Variants in MYO1H observed in about 807,000 individuals in gnomAD.
The protein encoded by MYO1H is unconventional myosin-Ih.
MYO1H carries 118 observed loss-of-function variants against 149.3 expected under a neutral mutation model. The observed-to-expected ratio is 0.79, with a 90% CI of 0.68 to 0.92. The LOEUF is 0.92. MYO1H is among the 40% of genes least tolerant of loss of function. The pLI is 0.00. For synonymous variants in MYO1H, 447 were observed against 465.2 expected (o/e 0.96, Z 0.50); for missense variants, 1,212 against 1,280.7 (o/e 0.95, Z 0.82).
the MYO1H span, among the ~76,000 whole-genome samples, chr12:109,342,126 C>CTTTTTTTTTT: frequency 7.9e-6 from 1 of 126,066 alleles, no homozygotes; most frequent in African/African-American, 3.2e-5. Context: ...AAATTTGATT[C>CTTTTTTTTTT]TTTTTTTTTT....
At chr12:109,427,909 A>ATAT (rs1201603491) in intron 19 of MYO1H, among the ~76,000 whole-genome samples, 1 of 16,422 alleles carries the variant, frequency 6.1e-5, no homozygotes, top group Non-Finnish European at 1.0e-4. Flanking sequence ...AAAAAAAAAA[A>ATAT]ATATATATAT....
intron 1 of MYO1H, among the ~76,000 whole-genome samples, chr12:109,352,493 A>G (rs1868483848): frequency 6.6e-6 from 1 of 152,150 alleles, no homozygotes; most frequent in African/African-American, 2.4e-5. Flanking sequence ...TGTTTATTCT[A>G]CGAAACTAGA....
At chr12:109,361,117 TTC>T (rs1868736084) in intron 1 of MYO1H, among the ~76,000 whole-genome samples, 1 of 152,248 alleles carries the variant, frequency 6.6e-6, no homozygotes, top group African/African-American at 2.4e-5. Flanking sequence ...GTTGTCCCAA[TTC>T]TTTTCTTGGA....
chr12:109,388,667 G>A lies in MYO1H; in HGVS notation c.13-16G>A. ...CCAAATAGATGAGCTGCTGAAGAAT[G>A]TTCTATTTCCCGTAGAAAGAAGACG... On this transcript the variant is annotated splice_polypyrimidine_tract_variant and intron_variant, in intron 1 of 31. Transcript: ENST00000310903. 2 of 1,538,272 alleles carry A rather than the reference G, an allele frequency of 1.3e-6. No individual in the cohort carries two copies. Among genetic ancestry groups the A allele is most frequent in the Non-Finnish European group, 1.8e-6 (2 of 1,137,816 alleles).
exon 32 of MYO1H, chr12:109,448,149 T>C (rs1284387385): frequency 6.6e-6 from 1 of 152,220 alleles, no homozygotes; most frequent in African/African-American, 2.4e-5. Context: ...ATATGAGAAG[T>C]GCTTTGGTCT....
chr12:109,316,115 T>C, the MYO1H span, among the ~76,000 whole-genome samples: 1 of 145,384 alleles, frequency 6.9e-6, no homozygotes, highest in Admixed American at 7.3e-5. Flanking sequence ...TGAAAATGCA[T>C]AATTCCTCTG....
rs66507410 is a variant in MYO1H, at chr12:109,409,246, C to CTTTTT, written c.1156-287_1156-283dup. 7.9e-3 allele frequency among the ~76,000 whole-genome samples: 379 copies of CTTTTT among 47,864 alleles called. 1 individual carries two copies. The highest frequency in any genetic ancestry group is 0.011 in the Non-Finnish European group (283 of 25,874). The allele number at this position is 47,864 out of a possible 152,430, so 31.4% of individuals were successfully genotyped here. ...TCTTTTTCTTCTTCTTCTTCTTCTT[C>CTTTTT]TTTTTTTTTTTTTTTTTTTTTTTTT... On this transcript the variant is annotated intron_variant, in intron 10 of 31. Coordinates refer to ENST00000310903, the Ensembl canonical transcript of MYO1H.
the MYO1H span, among the ~76,000 whole-genome samples, chr12:109,327,930 C>G: frequency 6.6e-6 from 1 of 151,760 alleles, no homozygotes; most frequent in South Asian, 2.1e-4. Flanking sequence ...GTCCCAAATG[C>G]TTTCTATGCA....
At chr12:109,409,667 T>C in intron 11 of MYO1H, 43 bp downstream of exon 11, 1 of 1,485,484 alleles carries the variant, frequency 6.7e-7, no homozygotes, top group Non-Finnish European at 9.4e-7. Context: ...TTGCCCTTTT[T>C]TAAGATTTCA....
Position 109,442,278 on chromosome 12 carries a change from G to A in MYO1H, c.2688+6G>A. On this transcript the variant is annotated splice_donor_region_variant and intron_variant, in intron 27 of 31. Transcript: ENST00000310903. The stretch of plus-strand genomic sequence containing the variant: ...TTAGCCATGAGAAAATCCAGGTAAG[G>A]CGATGTGTGTCCTCAGTCTCAAACA... 6.2e-7 allele frequency: 1 copy of A among 1,613,182 alleles called. No homozygotes were observed. Among genetic ancestry groups the A allele is most frequent in the Non-Finnish European group, 8.5e-7 (1 of 1,179,196 alleles).
rs1282985190 is a variant in MYO1H, at chr12:109,440,819, A to T, written c.2530A>T (p.Lys844Ter). ...CTGCCGCGGGATCACAGCTGAGCGG[A>T]AAGCAATGGTAGGGACATGATGTCT... The change falls in exon 25 of 32, where the codon AAA (lysine) becomes TAA (stop). Residue 844 changes from lysine (K) to a stop codon, truncating the protein, a stop_gained. Coordinates refer to ENST00000310903, the Ensembl canonical transcript of MYO1H. LOFTEE classifies it high-confidence loss of function. The T allele has an allele frequency of 1.3e-6, 2 of 1,560,544 alleles. No homozygotes were observed. Among genetic ancestry groups the T allele is most frequent in the Non-Finnish European group, 1.7e-6 (2 of 1,152,186 alleles).
the MYO1H span, among the ~76,000 whole-genome samples, chr12:109,334,008 A>T: frequency 6.6e-6 from 1 of 151,456 alleles, no homozygotes; most frequent in African/African-American, 2.4e-5. Context: ...TGTACTCATT[A>T]TTTACTTATT....
At chr12:109,312,303 C>T in the MYO1H span, among the ~76,000 whole-genome samples, 46 of 152,232 alleles carry the variant, frequency 3.0e-4, no homozygotes, top group African/African-American at 1.1e-3. Context: ...AGCACCACCT[C>T]CCGGGTTCAC....
intron 1 of MYO1H, among the ~76,000 whole-genome samples, chr12:109,370,417 G>A (rs1326554227): frequency 6.6e-6 from 1 of 152,166 alleles, no homozygotes; most frequent in Non-Finnish European, 1.5e-5. Context: ...ACCCAGCAGT[G>A]GGATGAGGCT....
chr12:109,323,784 A>G, the MYO1H span, among the ~76,000 whole-genome samples: 1 of 152,110 alleles, frequency 6.6e-6, no homozygotes, highest in East Asian at 1.9e-4. Flanking sequence ...TCTATTCCTT[A>G]TTGCTTCAGT....
chr12:109,401,463 T>G, intron 6 of MYO1H, 191 bp downstream of exon 6: 1 of 564,526 alleles, frequency 1.8e-6, no homozygotes, highest in Admixed American at 3.4e-5. Flanking sequence ...TATATCACCT[T>G]GGTAAAGTAA....
In MYO1H at chr12:109,389,534, C is replaced by A. The variant is rs925017255; in HGVS notation, c.174+690C>A. ...AGCAGGCAAAAATAAGAGCTGTCCA[C>A]CACACCCCACGAATGGTCAAGGGTC... On this transcript the variant is annotated intron_variant, in intron 2 of 31. Coordinates refer to ENST00000310903, the Ensembl canonical transcript of MYO1H. Among the ~76,000 whole-genome samples the A allele has an allele frequency of 2.0e-5, 3 of 152,314 alleles. No individual in the cohort carries two copies. In the East Asian group the frequency reaches 5.8e-4, roughly 29 times the overall value.
intron 1 of MYO1H, among the ~76,000 whole-genome samples, chr12:109,364,171 T>TAAA (rs746308903): frequency 5.5e-4 from 50 of 90,280 alleles, no homozygotes; most frequent in Middle Eastern, 0.014. Context: ...ACCATGTCTT[T>TAAA]AAAAAAAAAA....
At chr12:109,326,307 A>T in the MYO1H span, among the ~76,000 whole-genome samples, 1 of 151,884 alleles carries the variant, frequency 6.6e-6, no homozygotes, top group Non-Finnish European at 1.5e-5. Flanking sequence ...GCTGTCTGTC[A>T]TCCCTTCTTG....
Sources: allele counts gnomAD v4.1 joint callset (sites outside exome capture counted in the v4.1 genomes callset), GRCh38; gene constraint gnomAD v4.1.1; transcripts MANE v1.5; gene names NCBI Gene and HGNC (gene_info 2026-07-23, HGNC 2026-07-21).